The following KLC1 variants were observed in gnomAD, a reference collection of about 807,000 sequenced individuals.
KLC1 encodes the protein kinesin light chain 1.
In KLC1, 30 loss-of-function variants were observed where a neutral mutation model predicts 84.2. The ratio of observed to expected loss-of-function variants is 0.36; its 90% confidence interval spans 0.27 to 0.48. The LOEUF (loss-of-function observed/expected upper bound fraction) is 0.48, where lower values mean the gene tolerates loss of function less well. KLC1 is among the 20% of genes least tolerant of loss of function. The pLI is 0.99. For missense variants in KLC1, 499 were observed against 805.4 expected (o/e 0.62, Z 4.60); for synonymous variants, 289 against 293.3 (o/e 0.99, Z 0.15).
Position 103,637,041 on chromosome 14 carries a change from G to GT in KLC1, c.-2+7559dup, listed in dbSNP as rs144848248. Among the ~76,000 whole-genome samples the GT allele has an allele frequency of 5.1e-3, 709 of 138,300 alleles. 5 individuals carry two copies. Among genetic ancestry groups the GT allele is most frequent in the East Asian group, 0.028 (133 of 4,678 alleles). 90.7% of individuals were successfully genotyped at this position (138,300 alleles called of 152,430 possible). ...CACCACGCCCAGCAGTTCCTTACAT[G>GT]TTTTTTTTTTTTCAGATGGAGTCTT... On this transcript the variant is annotated intron_variant, in intron 1 of 16. Coordinates refer to ENST00000334553, the MANE Select transcript of KLC1 (RefSeq NM_001394837.1).
At chr14:103,691,898 G>A (rs1453725748) in intron 14 of KLC1, among the ~76,000 whole-genome samples, 1 of 151,352 alleles carries the variant, frequency 6.6e-6, no homozygotes, top group Non-Finnish European at 1.5e-5. Context: ...TGCCTCCTGA[G>A]CAGCTGGGAC....
intron 1 of KLC1, among the ~76,000 whole-genome samples, chr14:103,635,993 C>G (rs1196703737): frequency 6.6e-6 from 1 of 152,074 alleles, no homozygotes; most frequent in African/African-American, 2.4e-5. Flanking sequence ...CTTGGGGAAA[C>G]CTCGCGCCAC....
At chr14:103,688,196 G>GCT in intron 14 of KLC1, 1 of 152,414 alleles carries the variant, frequency 6.6e-6, no homozygotes, top group South Asian at 2.1e-4. Flanking sequence ...TGTTCCCCAA[G>GCT]CTGGAGTGCA....
intron 15 of KLC1, chr14:103,696,782 G>T (rs947236322): frequency 2.0e-6 from 2 of 985,494 alleles, no homozygotes; most frequent in Non-Finnish European, 1.2e-6. Flanking sequence ...GAGGGTCAGG[G>T]CGCGTGGTCC....
rs2078577123 is a variant in KLC1, at chr14:103,653,004, T to A, written c.-1-1560T>A. Among the ~76,000 whole-genome samples the A allele has an allele frequency of 3.9e-5, 6 of 152,236 alleles. No homozygotes were observed. The South Asian group carries it at 1.2e-3, about 32-fold the overall frequency. ...CACCCCAAAATCCTGGAATATATAG[T>A]CTGTATCTGCTGATTCAGCTTTTCT... is the stretch of plus-strand genomic sequence containing the variant. On this transcript the variant is annotated intron_variant, in intron 1 of 16. Transcript: ENST00000334553.
intron 5 of KLC1, among the ~76,000 whole-genome samples, chr14:103,667,641 T>G (rs2079984300): frequency 6.6e-6 from 1 of 152,182 alleles, no homozygotes; most frequent in South Asian, 2.1e-4. Flanking sequence ...TGGCCACTAC[T>G]TTTTGGAACT....
intron 1 of KLC1, among the ~76,000 whole-genome samples, chr14:103,636,927 C>T (rs1263867465): frequency 6.6e-6 from 1 of 151,054 alleles, no homozygotes; most frequent in African/African-American, 2.4e-5. Context: ...ATATGGGTTT[C>T]ACCATGTTAG....
chr14:103,660,788 C>T (rs1567021228), intron 3 of KLC1, among the ~76,000 whole-genome samples: 3 of 151,438 alleles, frequency 2.0e-5, no homozygotes, highest in Admixed American at 1.3e-4. Context: ...GAGACCCTGT[C>T]TCAGAAAAAC....
Position 103,692,969 on chromosome 14 carries a change from G to A in KLC1, c.1848+544G>A, listed in dbSNP as rs1282281588. ...AAGTACTGCCTCCCTTCCCCATCAC[G>A]GAGGCCGTTTGAGTTTTCATCCACT... On this transcript the variant is annotated intron_variant, in intron 15 of 16. Coordinates refer to ENST00000334553, the MANE Select transcript of KLC1 (RefSeq NM_001394837.1). Among the ~76,000 whole-genome samples the A allele has an allele frequency of 4.6e-5, 7 of 152,278 alleles. No individual in the cohort carries two copies. The East Asian group carries it at 5.8e-4, about 13-fold the overall frequency.
At chr14:103,635,214 C>T (rs1177104919) in intron 1 of KLC1, among the ~76,000 whole-genome samples, 1 of 152,158 alleles carries the variant, frequency 6.6e-6, no homozygotes, top group African/African-American at 2.4e-5. Flanking sequence ...TCATTTAAAC[C>T]ATAGATTGTT....
At chr14:103,699,346 C>G in intron 15 of KLC1, 1 of 1,587,374 alleles carries the variant, frequency 6.3e-7, no homozygotes, top group South Asian at 1.1e-5. Flanking sequence ...AGGGGTGCAA[C>G]CCTGCCTTGG....
chr14:103,698,856 C>G (rs2151902368), intron 15 of KLC1: 1 of 1,607,694 alleles, frequency 6.2e-7, no homozygotes, highest in Non-Finnish European at 8.5e-7. Context: ...CGTGTAGGAA[C>G]AGGAGGAGGG....
intron 1 of KLC1, among the ~76,000 whole-genome samples, chr14:103,635,588 C>T (rs981551069): frequency 1.3e-5 from 2 of 152,162 alleles, no homozygotes; most frequent in Admixed American, 6.6e-5. Context: ...AACCTTGTCT[C>T]TACTAAAAAT....
At position 103,693,261 on chromosome 14, in the gene KLC1, GC is replaced by G. The variant is rs894582072; in HGVS notation, c.1848+841del. Among the ~76,000 whole-genome samples the G allele has an allele frequency of 1.1e-4, 16 of 151,906 alleles. No homozygotes were observed. The highest frequency in any genetic ancestry group is 3.9e-4 in the African/African-American group (16 of 41,368). On this transcript the variant is annotated intron_variant, in intron 15 of 16. Transcript: ENST00000334553. The surrounding 1 kb of genome is among the most constrained non-coding windows in gnomAD (Gnocchi z 5.1). ...GCCATCTCGGGAAAGCTTTTCCCCA[GC>G]CCCCTTCTCGGTGGCTGTTAAAGAG...
Position 103,701,521 on chromosome 14 carries a change from T to A in KLC1, c.*322T>A, listed in dbSNP as rs1048455699. 1.7e-5 allele frequency: 6 copies of A among 359,452 alleles called. No individual in the cohort carries two copies. The highest frequency in any genetic ancestry group is 1.1e-4 in the South Asian group (1 of 9,188). The allele number at this position is 359,452 out of a possible 1,614,324, so 22.3% of individuals were successfully genotyped here. Reference sequence around the variant, plus strand: ...TAACGTATTTTATTGTACATTTTTTTAAATTAAAAGTTTATATGCCTTATG... The same window carrying A: ...TAACGTATTTTATTGTACATTTTTTAAAATTAAAAGTTTATATGCCTTATG... On this transcript the variant is annotated 3_prime_UTR_variant, in exon 17 of 17. Coordinates refer to ENST00000334553, the MANE Select transcript of KLC1 (RefSeq NM_001394837.1).
chr14:103,654,575 A>T lies in KLC1; in HGVS notation c.11A>T (p.Asn4Ile). The change falls in exon 2 of 17, where the codon AAC (asparagine) becomes ATC (isoleucine). Residue 4 changes from asparagine to isoleucine, a missense_variant. Transcript: ENST00000334553. ...TTTTTTCATTCCAGAATGTATGACA[A>T]CATGTCCACAATGGTGTACATAAAG... MYD[N>I]MSTMVYIKED... The T allele has an allele frequency of 6.2e-7, 1 of 1,605,358 alleles. No individual in the cohort carries two copies. Among genetic ancestry groups the T allele is most frequent in the Non-Finnish European group, 8.5e-7 (1 of 1,175,466 alleles).
intron 3 of KLC1, among the ~76,000 whole-genome samples, chr14:103,660,963 A>AT (rs1436775869): frequency 6.6e-6 from 1 of 152,160 alleles, no homozygotes; most frequent in African/African-American, 2.4e-5. Flanking sequence ...GACTTTTAAA[A>AT]TTTATTATTT....
intron 15 of KLC1, chr14:103,695,469 G>A (rs749398211): frequency 5.1e-6 from 5 of 985,110 alleles, no homozygotes; most frequent in Admixed American, 6.2e-5. Flanking sequence ...GGCTGCCCCC[G>A]TAGTGGGCTA....
rs554671438 is a variant in KLC1 at position 103,695,574 on chromosome 14, C to T, written c.1848+3149C>T. On this transcript the variant is annotated intron_variant, in intron 15 of 16. Coordinates refer to ENST00000334553, the MANE Select transcript of KLC1 (RefSeq NM_001394837.1). ...GAGGATGCTGAGCAGAGTTTGGAAC[C>T]CAGACAGTTTCCCTTAGTGACAGTT... is the stretch of plus-strand genomic sequence containing the variant. 1.0e-5 allele frequency: 10 copies of T among 985,260 alleles called. No individual in the cohort carries two copies. In the South Asian group the frequency reaches 1.4e-4, roughly 14 times the overall value. 61.0% of individuals were successfully genotyped at this position (985,260 alleles called of 1,614,324 possible).
Sources: gnomAD v4.1 joint callset for allele counts (sites outside exome capture counted in the v4.1 genomes callset) on GRCh38, gnomAD v4.1.1 for gene constraint, Gnocchi (gnomAD v3.1) non-coding constraint, MANE v1.5 for transcripts, NCBI Gene and HGNC (gene_info 2026-07-23, HGNC 2026-07-21) for gene names.